SHROOM3: variants seen among roughly 807,000 people sequenced by gnomAD.
SHROOM3 encodes protein Shroom3.
Under a neutral mutation model 138.6 loss-of-function variants are expected in SHROOM3, and 47 were observed. The ratio of observed to expected loss-of-function variants is 0.34; its 90% CI spans 0.27 to 0.43. The LOEUF (loss-of-function observed/expected upper bound fraction) is 0.43. Ranked by LOEUF, SHROOM3 falls within the 20% of genes least tolerant of loss-of-function variation. The probability of loss-of-function intolerance (pLI) is 1.00; values close to 1 mark genes in which losing one functional copy is unlikely to be tolerated. For missense variants in SHROOM3, 2,491 were observed against 2,596.5 expected (o/e 0.96, Z 0.88); for synonymous variants, 1,062 against 1,063.3 (o/e 1.00, Z 0.02).
intron 2 of SHROOM3, among the ~76,000 whole-genome samples, chr4:76,653,523 T>G (rs1004116255): frequency 9.2e-5 from 14 of 151,820 alleles, no homozygotes; most frequent in African/African-American, 3.4e-4. Flanking sequence ...AAGCATGAAC[T>G]GCAGAGTCAC....
chr4:76,769,659 C>G (rs35471029), intron 9 of SHROOM3, among the ~76,000 whole-genome samples: 9,150 of 152,316 alleles, frequency 0.06, 301 homozygotes, highest in Non-Finnish European at 0.07. Flanking sequence ...AAAGGTCTTG[C>G]TGTCAATTTC....
Position 76,526,097 on chromosome 4 carries a change from G to A in SHROOM3, c.169-29512G>A, listed in dbSNP as rs530009112. On this transcript the variant is annotated intron_variant, in intron 1 of 10. Coordinates refer to ENST00000296043, the MANE Select transcript of SHROOM3 (RefSeq NM_020859.4). Reference sequence around the variant, plus strand: ...TAAAAATAAATGTCGGCCAGGTGCGGTGGCTCATGCCTGTAATCCCAGCGT... The same window carrying A: ...TAAAAATAAATGTCGGCCAGGTGCGATGGCTCATGCCTGTAATCCCAGCGT... Among the ~76,000 whole-genome samples, 13 of 152,334 alleles carry A rather than the reference G, an allele frequency of 8.5e-5. No homozygotes were observed. In the South Asian group the frequency reaches 1.7e-3, roughly 19 times the overall value.
chr4:76,488,225 G>T (rs143209588), intron 1 of SHROOM3, among the ~76,000 whole-genome samples: 163 of 152,234 alleles, frequency 1.1e-3, no homozygotes, highest in African/African-American at 3.5e-3. Context: ...CCATCAGAAA[G>T]ATTTTTTTAA....
chr4:76,486,649 G>A (rs1380056649), intron 1 of SHROOM3, among the ~76,000 whole-genome samples: 1 of 152,158 alleles, frequency 6.6e-6, no homozygotes, highest in Non-Finnish European at 1.5e-5. Context: ...GGACCACCCT[G>A]TGTGGACATG....
At position 76,739,180 on chromosome 4, in the gene SHROOM3, G is replaced by C. The variant is rs191638826; in HGVS notation, c.1007G>C (p.Arg336Pro). Reference sequence around the variant, plus strand: ...CTGCTGCTTCAAGGTAGGGAGGCCCGAGCCTCAGCAAATGGTCAGGGCTAT... The same window carrying C: ...CTGCTGCTTCAAGGTAGGGAGGCCCCAGCCTCAGCAAATGGTCAGGGCTAT... ...SALLLQGREARASANGQGYDK... is the reference protein window; with the variant it reads ...SALLLQGREAPASANGQGYDK... Residue 336 changes from arginine to proline, a missense_variant, in exon 5 of 11, where the codon CGA (arginine) becomes CCA (proline). By Grantham distance (103) the Arg-to-Pro change is moderately radical (BLOSUM62 -2). This residue lies in a region of SHROOM3 where 1,733 missense variants were observed against 1,661.6 expected (regional missense o/e 1.04). Coordinates refer to ENST00000296043, the MANE Select transcript of SHROOM3 (RefSeq NM_020859.4). 5.0e-6 allele frequency: 8 copies of C among 1,614,120 alleles called. No homozygotes were observed. In the East Asian group the frequency reaches 1.3e-4, roughly 27 times the overall value.
rs757644732 is a variant in SHROOM3, at chr4:76,739,681, C to A, written c.1508C>A (p.Ala503Asp). The change falls in exon 5 of 11, where the codon GCC (alanine) becomes GAC (aspartate). Residue 503 changes from alanine (A) to aspartate (D), a missense_variant. Coordinates refer to ENST00000296043, the MANE Select transcript of SHROOM3 (RefSeq NM_020859.4). ...PALAKESGYIAPQGACNKMAT... is the reference protein window; with the variant it reads ...PALAKESGYIDPQGACNKMAT... The stretch of plus-strand genomic sequence containing the variant: ...CTGGCCAAGGAGAGTGGATACATAG[C>A]CCCTCAGGGAGCATGCAACAAGATG... 2.5e-6 allele frequency: 4 copies of A among 1,614,010 alleles called. No individual in the cohort carries two copies. In the African/African-American group the frequency reaches 5.3e-5, roughly 22 times the overall value.
At chr4:76,578,480 G>A (rs1733981964) in intron 2 of SHROOM3, among the ~76,000 whole-genome samples, 1 of 152,132 alleles carries the variant, frequency 6.6e-6, no homozygotes, top group African/African-American at 2.4e-5. Context: ...TGAACTGCAT[G>A]GGGTTGTTGA....
intron 2 of SHROOM3, among the ~76,000 whole-genome samples, chr4:76,564,509 G>A (rs1354738531): frequency 6.6e-6 from 1 of 152,142 alleles, no homozygotes; most frequent in Non-Finnish European, 1.5e-5. Context: ...TAGAAGTATA[G>A]TATTTTATTT....
chr4:76,706,154 C>T lies in SHROOM3; in HGVS notation c.324-4002C>T, dbSNP rs1209218116. ...TTGTTTGTTTTTGAGACGGAGTCTC[C>T]GTCTGTTGCCAGGCTGGAGTGCAGA... On this transcript the variant is annotated intron_variant, in intron 2 of 10. Transcript: ENST00000296043. Among the ~76,000 whole-genome samples, 5 of 152,006 alleles carry T rather than the reference C, an allele frequency of 3.3e-5. No homozygotes were observed. The South Asian group carries it at 6.2e-4, about 19-fold the overall frequency.
chr4:76,494,802 C>T (rs1731930641), intron 1 of SHROOM3, among the ~76,000 whole-genome samples: 1 of 152,068 alleles, frequency 6.6e-6, no homozygotes. Flanking sequence ...CTTTGATGTC[C>T]AATGTGCAAG....
At chr4:76,525,897 C>T (rs1303436169) in intron 1 of SHROOM3, among the ~76,000 whole-genome samples, 2 of 152,166 alleles carry the variant, frequency 1.3e-5, no homozygotes, top group Non-Finnish European at 2.9e-5. Context: ...ATCTCTTTCC[C>T]AGCCATTACC....
intron 6 of SHROOM3, 55 bp from the exon 7 acceptor site, chr4:76,754,256 G>A: frequency 1.2e-6 from 2 of 1,608,408 alleles, no homozygotes; most frequent in South Asian, 1.1e-5. Flanking sequence ...GCATTGGGCT[G>A]CATGTTTGCC....
At position 76,659,262 on chromosome 4, in the gene SHROOM3, G is replaced by T. The variant is rs560946643; in HGVS notation, c.324-50894G>T. ...CTCACTAGAGAGCCTCAAGTGGATG[G>T]ATCACTCCCTACTTACAGGTGGAAC... On this transcript the variant is annotated intron_variant, in intron 2 of 10. Coordinates refer to ENST00000296043, the MANE Select transcript of SHROOM3 (RefSeq NM_020859.4). 2.0e-5 allele frequency among the ~76,000 whole-genome samples: 3 copies of T among 152,194 alleles called. No individual in the cohort carries two copies. In the South Asian group the frequency reaches 6.2e-4, roughly 32 times the overall value.
intron 2 of SHROOM3, among the ~76,000 whole-genome samples, chr4:76,682,647 A>G (rs1719230510): frequency 6.6e-6 from 1 of 152,162 alleles, no homozygotes; most frequent in Non-Finnish European, 1.5e-5. Flanking sequence ...AGAAGGAAAA[A>G]AAAAAAGGAG....
At chr4:76,534,223 G>A (rs1732892396) in intron 1 of SHROOM3, among the ~76,000 whole-genome samples, 1 of 152,036 alleles carries the variant, frequency 6.6e-6, no homozygotes, top group Non-Finnish European at 1.5e-5. Flanking sequence ...ATTTGTCTTT[G>A]TATGTTTCCA....
intron 2 of SHROOM3, among the ~76,000 whole-genome samples, chr4:76,604,128 T>C (rs1260651517): frequency 6.6e-6 from 1 of 152,122 alleles, no homozygotes; most frequent in Non-Finnish European, 1.5e-5. Context: ...CCCGACTGCA[T>C]CTTGTATTCT....
chr4:76,682,507 C>T (rs1435291536), intron 2 of SHROOM3, among the ~76,000 whole-genome samples: 1 of 152,156 alleles, frequency 6.6e-6, no homozygotes, highest in Non-Finnish European at 1.5e-5. Flanking sequence ...GGGTTTTCCA[C>T]TACACTGTGA....
chr4:76,504,211 T>C (rs1308779288), intron 1 of SHROOM3, among the ~76,000 whole-genome samples: 3 of 151,820 alleles, frequency 2.0e-5, no homozygotes, highest in South Asian at 2.1e-4. Flanking sequence ...CAGGCTGGAG[T>C]GTAATGGCAC....
chr4:76,703,797 TAAATC>T (rs1191814437), intron 2 of SHROOM3, among the ~76,000 whole-genome samples: 4 of 152,314 alleles, frequency 2.6e-5, no homozygotes, highest in South Asian at 2.1e-4. Context: ...ACACCCAACA[TAAATC>T]AAAAGGAATT....
Sources: gnomAD v4.1 joint callset for allele counts (sites outside exome capture counted in the v4.1 genomes callset) on GRCh38, gnomAD v4.1.1 for gene constraint, gnomAD v4.1.1 regional missense constraint, MANE v1.5 for transcripts, NCBI Gene and HGNC (gene_info 2026-07-23, HGNC 2026-07-21) for gene names.